Variants in DNAAF5 observed in about 807,000 individuals in gnomAD.
The protein encoded by DNAAF5 is HEAT repeat containing 2.
Under a neutral mutation model 75.8 loss-of-function variants are expected in DNAAF5, and 64 were observed. That is an observed-to-expected ratio of 0.84 (90% CI 0.69 to 1.04). The LOEUF (loss-of-function observed/expected upper bound fraction) is 1.04, where lower values mean the gene tolerates loss of function less well. Among genes scored for constraint, DNAAF5 ranks in the 50% least tolerant of loss-of-function variants. DNAAF5 has a pLI of 0.00. For missense variants in DNAAF5, 1,269 were observed against 1,178.5 expected, an observed-to-expected ratio of 1.08 and a Z score of -1.12; for synonymous variants, 657 against 557.2, an observed-to-expected ratio of 1.18 and a Z score of -2.52.
intron 12 of DNAAF5, among the ~76,000 whole-genome samples, chr7:783,246 C>T (rs1467304031): frequency 6.6e-6 from 1 of 152,268 alleles, no homozygotes. Flanking sequence ...CTGCACGACC[C>T]TGGTCCTCCG....
At position 748,659 on chromosome 7, in the gene DNAAF5, TCTC is replaced by T. The variant is rs936936730; in HGVS notation, c.1025-5926_1025-5924del. 2.0e-5 allele frequency among the ~76,000 whole-genome samples: 3 copies of T among 151,950 alleles called. No individual in the cohort carries two copies. In the East Asian group the frequency reaches 5.8e-4, roughly 30 times the overall value. On this transcript the variant is annotated intron_variant, in intron 4 of 12. Coordinates refer to ENST00000297440, the MANE Select transcript of DNAAF5 (RefSeq NM_017802.4). ...CCCCTACCACAGTGGAGGTGCTCCT[TCTC>T]CTCGGTGGACTCGGGCCCTGTGCTC... is the stretch of plus-strand genomic sequence containing the variant.
At position 729,654 on chromosome 7, in the gene DNAAF5, G is replaced by A; in HGVS notation, c.596-9G>A. The A allele has an allele frequency of 6.2e-7, 1 of 1,611,126 alleles. No individual in the cohort carries two copies. Among genetic ancestry groups the A allele is most frequent in the East Asian group, 2.2e-5 (1 of 44,790 alleles). On this transcript the variant is annotated splice_polypyrimidine_tract_variant and intron_variant, in intron 1 of 12. Transcript: ENST00000297440. ...AGCTCTGGTAACTGGGGGCCTCCCT[G>A]TCCCTCAGACCACTTCCACATGCAG...
At chr7:784,027 TC>T in intron 12 of DNAAF5, among the ~76,000 whole-genome samples, 1 of 13,900 alleles carries the variant, frequency 7.2e-5, no homozygotes. Flanking sequence ...CGCCCCCACC[TC>T]CCCCACCTCC....
chr7:739,888 C>T lies in DNAAF5; in HGVS notation c.781-931C>T, dbSNP rs147274166. ...GACCACGCCATGGGCACAGCTGCTG[C>T]TCGGGTCCCCTGCACCTACGACTGG... is the stretch of plus-strand genomic sequence containing the variant. On this transcript the variant is annotated intron_variant, in intron 2 of 12. Transcript: ENST00000297440. Among the ~76,000 whole-genome samples, 958 of 152,302 alleles carry T rather than the reference C, an allele frequency of 6.3e-3. 4 individuals carry two copies. Among genetic ancestry groups the T allele is most frequent in the South Asian group, 0.024 (116 of 4,828 alleles).
In DNAAF5 at chr7:749,751, AGTG is replaced by A. The variant is rs560326449; in HGVS notation, c.1025-4834_1025-4832del. The stretch of plus-strand genomic sequence containing the variant: ...TGCTCTGTCACCCAGGCTGGAGTGC[AGTG>A]GTGCGATCCCAGCTCACTGCAACCT... On this transcript the variant is annotated intron_variant, in intron 4 of 12. Transcript: ENST00000297440. 4.2e-3 allele frequency among the ~76,000 whole-genome samples: 637 copies of A among 152,258 alleles called. 6 individuals are homozygous for A. Among genetic ancestry groups the A allele is most frequent in the African/African-American group, 0.015 (614 of 41,542 alleles).
At chr7:760,326 C>A (rs746712527) in intron 6 of DNAAF5, among the ~76,000 whole-genome samples, 16 of 152,192 alleles carry the variant, frequency 1.1e-4, no homozygotes, top group Non-Finnish European at 2.2e-4. Context: ...AATTACCAAA[C>A]TTCTTTGAAC....
At chr7:730,767 G>A (rs893167256) in intron 2 of DNAAF5, among the ~76,000 whole-genome samples, 1 of 151,648 alleles carries the variant, frequency 6.6e-6, no homozygotes, top group African/African-American at 2.4e-5. Context: ...GGGGCTGTGC[G>A]CAGAGACACA....
intron 2 of DNAAF5, among the ~76,000 whole-genome samples, chr7:739,639 C>A (rs549749595): frequency 6.6e-6 from 1 of 152,310 alleles, no homozygotes; most frequent in East Asian, 1.9e-4. Context: ...GGGAGTCAGG[C>A]GCAACGGGCC....
chr7:730,374 G>C (rs1781527382), intron 2 of DNAAF5, among the ~76,000 whole-genome samples: 1 of 152,160 alleles, frequency 6.6e-6, no homozygotes. Context: ...AGGCCCCAGT[G>C]ACTTGCTAAA....
chr7:779,434 T>C (rs1418673192), intron 11 of DNAAF5, among the ~76,000 whole-genome samples: 1 of 152,238 alleles, frequency 6.6e-6, no homozygotes, highest in Non-Finnish European at 1.5e-5. Context: ...TTGATAAAAA[T>C]TATGTCCATT....
intron 12 of DNAAF5, among the ~76,000 whole-genome samples, chr7:784,381 C>A (rs1277908677): frequency 6.6e-6 from 1 of 152,200 alleles, no homozygotes. Context: ...CCGGGTTCCG[C>A]CACCCTCAGT....
At chr7:759,977 A>G (rs1029583245) in intron 6 of DNAAF5, among the ~76,000 whole-genome samples, 2 of 152,198 alleles carry the variant, frequency 1.3e-5, no homozygotes, top group African/African-American at 4.8e-5. Flanking sequence ...TGTGGGAAAA[A>G]TCAGGAATGG....
chr7:756,312 G>GGT (rs1267467690), intron 5 of DNAAF5, among the ~76,000 whole-genome samples: 3 of 146,586 alleles, frequency 2.0e-5, no homozygotes, highest in Non-Finnish European at 4.5e-5. Flanking sequence ...CAGAGGGGCT[G>GGT]GTGTGTGTGT....
intron 6 of DNAAF5, among the ~76,000 whole-genome samples, chr7:759,610 G>C (rs762767224): frequency 6.6e-6 from 1 of 152,214 alleles, no homozygotes; most frequent in Non-Finnish European, 1.5e-5. Context: ...ATTTCCTGCT[G>C]TATCTTTTTT....
intron 2 of DNAAF5, among the ~76,000 whole-genome samples, chr7:732,882 A>G (rs765145648): frequency 3.9e-5 from 6 of 151,996 alleles, no homozygotes; most frequent in Non-Finnish European, 4.4e-5. Flanking sequence ...AGTTTCCCCA[A>G]TGTTTTCTTT....
chr7:777,001 A>G (rs34421533), intron 11 of DNAAF5, among the ~76,000 whole-genome samples: 130,429 of 152,174 alleles, frequency 0.86, 56,067 homozygotes, highest in Middle Eastern at 0.92. Context: ...GAGGGATCCA[A>G]GCTGACGCTC....
chr7:772,901 C>T (rs1177940619), intron 9 of DNAAF5: 1 of 151,696 alleles, frequency 6.6e-6, no homozygotes, highest in Non-Finnish European at 1.5e-5. Flanking sequence ...CTGATCAATG[C>T]CCAGAAGTTC....
intron 2 of DNAAF5, among the ~76,000 whole-genome samples, chr7:733,582 C>T (rs1226780913): frequency 6.6e-6 from 1 of 152,096 alleles, no homozygotes; most frequent in Non-Finnish European, 1.5e-5. Context: ...CTGCAAGCTC[C>T]GCCTCCCAGG....
At chr7:783,417 G>A (rs895420937) in intron 12 of DNAAF5, among the ~76,000 whole-genome samples, 3 of 152,134 alleles carry the variant, frequency 2.0e-5, no homozygotes, top group South Asian at 2.1e-4. Flanking sequence ...CGGGCAGGCC[G>A]GGCATGCTCT....
Sources: allele counts gnomAD v4.1 joint callset (sites outside exome capture counted in the v4.1 genomes callset), GRCh38; gene constraint gnomAD v4.1.1; transcripts MANE v1.5; gene names NCBI Gene and HGNC (gene_info 2026-07-23, HGNC 2026-07-21).